AACS: variants seen among roughly 807,000 people sequenced by gnomAD.
The protein encoded by AACS is acetoacetate-CoA ligase.
Under a neutral mutation model 83.1 loss-of-function variants are expected in AACS, and 69 were observed. The observed-to-expected ratio is 0.83, with a 90% CI of 0.68 to 1.01. The LOEUF is 1.01. Ranked by LOEUF, AACS falls within the 50% of genes least tolerant of loss-of-function variation. The pLI is 0.00. For synonymous variants in AACS, 333 were observed against 343.4 expected, an observed-to-expected ratio of 0.97 and a Z score of 0.33; for missense variants, 866 against 882.2, an observed-to-expected ratio of 0.98 and a Z score of 0.23.
chr12:125,134,122 G>A, intron 15 of AACS, 50 bp downstream of exon 15: 2 of 1,589,678 alleles, frequency 1.3e-6, no homozygotes. Flanking sequence ...ACCTTCCAGA[G>A]GCATGGGGGT....
chr12:125,134,734 C>T, intron 15 of AACS, 60 bp from the exon 16 acceptor site: 2 of 1,599,340 alleles, frequency 1.3e-6, no homozygotes, highest in Non-Finnish European at 1.7e-6. Context: ...CCCGTGGGAC[C>T]CCTGGGACTT....
chr12:125,069,498 C>G (rs1451047955), intron 1 of AACS, among the ~76,000 whole-genome samples: 2 of 152,232 alleles, frequency 1.3e-5, no homozygotes, highest in East Asian at 3.8e-4. Flanking sequence ...GCTGAAGCCA[C>G]CTGTGCACTC....
chr12:125,081,911 T>G (rs1165127430), intron 3 of AACS, among the ~76,000 whole-genome samples: 2 of 151,714 alleles, frequency 1.3e-5, no homozygotes, highest in Non-Finnish European at 2.9e-5. Context: ...GTTTCACTCT[T>G]GTTGCCCAGG....
In AACS at chr12:125,070,704, A is replaced by G. The variant is rs186792297; in HGVS notation, c.134-3172A>G. On this transcript the variant is annotated intron_variant, in intron 1 of 17. Coordinates refer to ENST00000316519, the MANE Select transcript of AACS (RefSeq NM_023928.5). ...GGGCTCCATCTGGCACCTGATATGT[A>G]TCAACTAATGTAATCCTCTCAGTAA... Among the ~76,000 whole-genome samples, 30 of 152,310 alleles carry G rather than the reference A, an allele frequency of 2.0e-4. 1 individual carries two copies. Among genetic ancestry groups the G allele is most frequent in the Admixed American group, 2.0e-3 (30 of 15,296 alleles).
chr12:125,142,360 G>A lies in AACS; in HGVS notation c.*131G>A, dbSNP rs1957514218. The A allele has an allele frequency of 2.3e-6, 3 of 1,311,556 alleles. No homozygotes were observed. The South Asian group carries it at 4.5e-5, about 20-fold the overall frequency. 81.2% of individuals were successfully genotyped at this position (1,311,556 alleles called of 1,614,324 possible). A position where few individuals can be genotyped will look rare whatever the true frequency, so the allele number is the denominator to read the frequency against. On this transcript the variant is annotated 3_prime_UTR_variant, in exon 18 of 18. Coordinates refer to ENST00000316519, the MANE Select transcript of AACS (RefSeq NM_023928.5). ...ACCAAGTGTTCTGTAGGCTTGGGGA[G>A]GGATCGTTTCTCTGTTTTGTTAAAT...
intron 8 of AACS, among the ~76,000 whole-genome samples, chr12:125,110,623 G>T (rs1257604365): frequency 6.6e-6 from 1 of 152,166 alleles, no homozygotes; most frequent in East Asian, 1.9e-4. Context: ...AGCCTATAGG[G>T]AGGAGAAAAA....
chr12:125,066,450 ATTT>A (rs34299644), intron 1 of AACS, among the ~76,000 whole-genome samples: 3 of 106,920 alleles, frequency 2.8e-5, no homozygotes, highest in Middle Eastern at 5.8e-3. Flanking sequence ...TTCCTAGGGG[ATTT>A]TTTTTTTTTT....
At position 125,135,098 on chromosome 12, in the gene AACS, G is replaced by A. The variant is rs146405228; in HGVS notation, c.1678+246G>A. Among the ~76,000 whole-genome samples the A allele has an allele frequency of 2.7e-3, 417 of 151,638 alleles. 2 individuals carry two copies. Among genetic ancestry groups the A allele is most frequent in the Middle Eastern group, 0.01 (3 of 290 alleles). ...CTTCCTCATTATAGCTCATCCTCCCGGTGAGCTCTGCTGGGCTGGTTACTT... is the reference window on the plus strand; with the variant it reads ...CTTCCTCATTATAGCTCATCCTCCCAGTGAGCTCTGCTGGGCTGGTTACTT... On this transcript the variant is annotated intron_variant, in intron 16 of 17. Coordinates refer to ENST00000316519, the MANE Select transcript of AACS (RefSeq NM_023928.5).
At chr12:125,102,549 T>G (rs1171404967) in intron 5 of AACS, 130 bp from the exon 6 acceptor site, 8 of 767,398 alleles carry the variant, frequency 1.0e-5, no homozygotes, top group African/African-American at 8.6e-5. Flanking sequence ...ACTCCAACCT[T>G]GAACTCCTGG....
rs536153305 is a variant in AACS at position 125,133,338 on chromosome 12, G to A, written c.1550-665G>A. On this transcript the variant is annotated intron_variant, in intron 14 of 17. Coordinates refer to ENST00000316519, the MANE Select transcript of AACS (RefSeq NM_023928.5). The stretch of plus-strand genomic sequence containing the variant: ...GGGATTTGATCCCTTTGGTCCATCA[G>A]CTTCATGGTGCCACCCCAGCGTGCA... 2.0e-5 allele frequency among the ~76,000 whole-genome samples: 3 copies of A among 152,320 alleles called. No individual in the cohort carries two copies. In the South Asian group the frequency reaches 6.2e-4, roughly 32 times the overall value.
chr12:125,071,682 G>A (rs1357897960), intron 1 of AACS, among the ~76,000 whole-genome samples: 1 of 152,214 alleles, frequency 6.6e-6, no homozygotes, highest in East Asian at 1.9e-4. Context: ...TTGATGAGAG[G>A]GCTGAGTTGC....
chr12:125,092,994 G>A (rs1490781826), intron 5 of AACS, among the ~76,000 whole-genome samples: 1 of 152,206 alleles, frequency 6.6e-6, no homozygotes, highest in Non-Finnish European at 1.5e-5. Flanking sequence ...GTGTCCATGG[G>A]CAAGTGCCCT....
chr12:125,103,054 A>G lies in AACS; in HGVS notation c.740A>G (p.Asn247Ser). The G allele has an allele frequency of 6.2e-7, 1 of 1,614,140 alleles. No homozygotes were observed. Among genetic ancestry groups the G allele is most frequent in the Non-Finnish European group, 8.5e-7 (1 of 1,180,022 alleles). ...VVIPYVSSRE[N>S]IDLSKIPNSV... Reference sequence around the variant, plus strand: ...ATTCCTTATGTGTCCTCCAGAGAGAACATAGACCTTTCAAAGATTCCAAAC... The same window carrying G: ...ATTCCTTATGTGTCCTCCAGAGAGAGCATAGACCTTTCAAAGATTCCAAAC... Residue 247 changes from asparagine (N) to serine (S), a missense_variant, in exon 7 of 18, where the codon AAC (asparagine) becomes AGC (serine). Asn to Ser is a conservative substitution (Grantham distance 46). Coordinates refer to ENST00000316519, the MANE Select transcript of AACS (RefSeq NM_023928.5).
At chr12:125,068,057 C>T (rs1955753274) in intron 1 of AACS, among the ~76,000 whole-genome samples, 2 of 152,192 alleles carry the variant, frequency 1.3e-5, no homozygotes, top group Non-Finnish European at 2.9e-5. Context: ...TGGGAGGGCC[C>T]GAGCATGGCT....
intron 1 of AACS, among the ~76,000 whole-genome samples, chr12:125,066,695 C>T (rs765396976): frequency 1.3e-5 from 2 of 152,076 alleles, no homozygotes; most frequent in East Asian, 1.9e-4. Context: ...GTGATCCGAT[C>T]GCCTTGGCCT....
At chr12:125,081,747 G>T (rs1843613690) in intron 3 of AACS, among the ~76,000 whole-genome samples, 1 of 152,068 alleles carries the variant, frequency 6.6e-6, no homozygotes, top group East Asian at 1.9e-4. Flanking sequence ...AGCTTACCGA[G>T]TATTTTCACA....
intron 17 of AACS, among the ~76,000 whole-genome samples, chr12:125,137,636 T>C (rs1394128134): frequency 3.3e-5 from 5 of 152,192 alleles, no homozygotes; most frequent in Admixed American, 2.0e-4. Context: ...CGCTCTGCTT[T>C]GATTCTAAGT....
intron 13 of AACS, 77 bp downstream of exon 13, chr12:125,128,351 T>C (rs1271051042): frequency 7.6e-7 from 1 of 1,316,400 alleles, no homozygotes; most frequent in Admixed American, 2.2e-5. Flanking sequence ...TGTGTAACTT[T>C]GCTTGGACAT....
intron 9 of AACS, 170 bp from the exon 10 acceptor site, chr12:125,118,471 T>G (rs1162908562): frequency 1.3e-6 from 1 of 764,440 alleles, no homozygotes; most frequent in African/African-American, 1.8e-5. Context: ...TGTGATCCAT[T>G]CTTAGATGTG....
Sources: gnomAD v4.1 joint callset for allele counts (sites outside exome capture counted in the v4.1 genomes callset) on GRCh38, gnomAD v4.1.1 for gene constraint, MANE v1.5 for transcripts, NCBI Gene and HGNC (gene_info 2026-07-23, HGNC 2026-07-21) for gene names.